Variants in KCNMB4 observed in about 807,000 individuals in gnomAD.
KCNMB4 encodes potassium calcium-activated channel subfamily M regulatory beta subunit 4.
A neutral mutation model predicts 20.7 loss-of-function variants in KCNMB4; 3 were observed. That is an observed-to-expected ratio of 0.14 (90% CI 0.07 to 0.37). The LOEUF (loss-of-function observed/expected upper bound fraction) is 0.37. Ranked by LOEUF, KCNMB4 falls within the 10% of genes least tolerant of loss-of-function variation. The probability of loss-of-function intolerance (pLI) is 1.00; values close to 1 mark genes in which losing one functional copy is unlikely to be tolerated. For synonymous variants in KCNMB4, 110 were observed against 113.4 expected, an observed-to-expected ratio of 0.97 and a Z score of 0.19; for missense variants, 168 against 265.9, an observed-to-expected ratio of 0.63 and a Z score of 2.56.
chr12:70,399,984 T>C (rs1277744029), intron 1 of KCNMB4, among the ~76,000 whole-genome samples: 1 of 152,212 alleles, frequency 6.6e-6, no homozygotes, highest in African/African-American at 2.4e-5. Context: ...CCATAATGAC[T>C]GAAGTTTATT....
At chr12:70,402,555 G>A (rs910123609) in intron 2 of KCNMB4, among the ~76,000 whole-genome samples, 1 of 147,612 alleles carries the variant, frequency 6.8e-6, no homozygotes, top group African/African-American at 2.5e-5. Flanking sequence ...AACATGGGAG[G>A]ATCGCTTGGG....
intron 1 of KCNMB4, among the ~76,000 whole-genome samples, chr12:70,376,885 GA>G (rs1883697193): frequency 7.0e-6 from 1 of 143,196 alleles, no homozygotes; most frequent in South Asian, 2.2e-4. Context: ...AAAAAAAAAA[GA>G]AAAAAGAATG....
chr12:70,396,743 T>C (rs11178218), intron 1 of KCNMB4, among the ~76,000 whole-genome samples: 86,472 of 152,158 alleles, frequency 0.57, 25,881 homozygotes, highest in African/African-American at 0.76. Flanking sequence ...GACGTTACCA[T>C]GTAGGTTGTT....
At position 70,432,140 on chromosome 12, in the gene KCNMB4, C is replaced by G. The variant is rs1181400868; in HGVS notation, c.*1487C>G. 1 of 150,864 alleles carries G rather than the reference C, an allele frequency of 6.6e-6. No individual in the cohort carries two copies. Among genetic ancestry groups the G allele is most frequent in the African/African-American group, 2.4e-5 (1 of 40,962 alleles). 9.3% of individuals were successfully genotyped at this position (150,864 alleles called of 1,614,324 possible). ...CACCTCCTGGGTTCAAGTCATTCCT[C>G]TGCCTCAGCCTCCCGAGTAGCTGGG... On this transcript the variant is annotated 3_prime_UTR_variant, in exon 3 of 3. Coordinates refer to ENST00000258111, the MANE Select transcript of KCNMB4 (RefSeq NM_014505.6).
chr12:70,382,655 GAA>G (rs1883811783), intron 1 of KCNMB4, among the ~76,000 whole-genome samples: 1 of 151,992 alleles, frequency 6.6e-6, no homozygotes, highest in African/African-American at 2.4e-5. Flanking sequence ...AAAATTGAAG[GAA>G]AAATGATAAA....
intron 2 of KCNMB4, among the ~76,000 whole-genome samples, chr12:70,410,405 T>G (rs1253344212): frequency 6.6e-5 from 10 of 152,228 alleles, no homozygotes; most frequent in Non-Finnish European, 1.5e-5. Context: ...TTTATCACAC[T>G]GTTAAGAGAG....
At chr12:70,423,351 G>A (rs911206490) in intron 2 of KCNMB4, among the ~76,000 whole-genome samples, 1 of 152,136 alleles carries the variant, frequency 6.6e-6, no homozygotes, top group Non-Finnish European at 1.5e-5. Flanking sequence ...AAACAGCTAA[G>A]GAAAATGTAA....
chr12:70,366,603 G>A lies in KCNMB4; in HGVS notation c.-132G>A. ...CCTTTGTTCTCGCGCGCTCCCCCTCGCCGCCCACTCCCCTGCTGTCGCGCG... is the reference window on the plus strand; with the variant it reads ...CCTTTGTTCTCGCGCGCTCCCCCTCACCGCCCACTCCCCTGCTGTCGCGCG... On this transcript the variant is annotated 5_prime_UTR_variant, in exon 1 of 3. Coordinates refer to ENST00000258111, the MANE Select transcript of KCNMB4 (RefSeq NM_014505.6). The A allele has an allele frequency of 1.9e-6, 1 of 527,634 alleles. No homozygotes were observed. The highest frequency in any genetic ancestry group is 2.7e-6 in the Non-Finnish European group (1 of 372,898). The allele number at this position is 527,634 out of a possible 1,614,324, so 32.7% of individuals were successfully genotyped here.
At chr12:70,403,033 T>A (rs1158423944) in intron 2 of KCNMB4, among the ~76,000 whole-genome samples, 2 of 152,118 alleles carry the variant, frequency 1.3e-5, no homozygotes, top group East Asian at 3.9e-4. Context: ...ACCCCTGACT[T>A]GGGGCTAGTG....
chr12:70,369,387 C>T (rs977164187), intron 1 of KCNMB4, among the ~76,000 whole-genome samples: 2 of 152,200 alleles, frequency 1.3e-5, no homozygotes, highest in African/African-American at 4.8e-5. Flanking sequence ...AGTGTCCCTG[C>T]AATTAGGCAA....
At chr12:70,427,715 T>G (rs1464739016) in intron 2 of KCNMB4, among the ~76,000 whole-genome samples, 1 of 152,206 alleles carries the variant, frequency 6.6e-6, no homozygotes, top group Non-Finnish European at 1.5e-5. Flanking sequence ...CCTCCTCTTC[T>G]TTTTACTCAC....
At chr12:70,386,037 T>G (rs1349001444) in intron 1 of KCNMB4, among the ~76,000 whole-genome samples, 5 of 152,250 alleles carry the variant, frequency 3.3e-5, no homozygotes, top group Non-Finnish European at 7.4e-5. Context: ...AAACCTATAA[T>G]AACATATATA....
chr12:70,375,303 G>T (rs1883665648), intron 1 of KCNMB4, among the ~76,000 whole-genome samples: 1 of 151,996 alleles, frequency 6.6e-6, no homozygotes, highest in Non-Finnish European at 1.5e-5. Context: ...TATGGTCAGT[G>T]GACGGGCAGC....
chr12:70,388,101 T>C (rs1868271778), intron 1 of KCNMB4, among the ~76,000 whole-genome samples: 1 of 152,172 alleles, frequency 6.6e-6, no homozygotes, highest in Admixed American at 6.5e-5. Context: ...GCCTTGCTTA[T>C]TTCACTTAAC....
At chr12:70,401,216 G>A (rs1363952435) in intron 2 of KCNMB4, among the ~76,000 whole-genome samples, 1 of 152,072 alleles carries the variant, frequency 6.6e-6, no homozygotes, top group Non-Finnish European at 1.5e-5. Flanking sequence ...AGTAGAGACA[G>A]GGTTTCACCA....
chr12:70,377,599 G>C (rs1211078287), intron 1 of KCNMB4, among the ~76,000 whole-genome samples: 1 of 152,092 alleles, frequency 6.6e-6, no homozygotes, highest in Non-Finnish European at 1.5e-5. Context: ...CTAAGACAAC[G>C]AAGTTTCCTG....
At chr12:70,401,429 G>C (rs1259485798) in intron 2 of KCNMB4, among the ~76,000 whole-genome samples, 1 of 152,092 alleles carries the variant, frequency 6.6e-6, no homozygotes, top group African/African-American at 2.4e-5. Context: ...CAATAGTCTT[G>C]TAACAAGTCT....
intron 1 of KCNMB4, among the ~76,000 whole-genome samples, chr12:70,384,385 A>G (rs1883848974): frequency 6.6e-6 from 1 of 152,174 alleles, no homozygotes; most frequent in Middle Eastern, 3.2e-3. Context: ...TACAATGGAG[A>G]GGATCGATGT....
chr12:70,404,253 T>C (rs1007603236), intron 2 of KCNMB4, among the ~76,000 whole-genome samples: 1 of 152,192 alleles, frequency 6.6e-6, no homozygotes, highest in African/African-American at 2.4e-5. Flanking sequence ...AAGTTTTTTT[T>C]TTTTAATTGA....
Sources: gnomAD v4.1 joint callset for allele counts (sites outside exome capture counted in the v4.1 genomes callset) on GRCh38, gnomAD v4.1.1 for gene constraint, MANE v1.5 for transcripts, NCBI Gene and HGNC (gene_info 2026-07-23, HGNC 2026-07-21) for gene names.